Variants in SMCHD1 observed in about 807,000 individuals in gnomAD.
SMCHD1 encodes structural maintenance of chromosomes flexible hinge domain-containing protein 1.
SMCHD1 carries 78 observed loss-of-function variants against 254.7 expected under a neutral mutation model. That is an observed-to-expected ratio of 0.31 (90% CI 0.26 to 0.37). SMCHD1 has a LOEUF of 0.37. Ranked by LOEUF, SMCHD1 falls within the 10% of genes least tolerant of loss-of-function variation. The probability of loss-of-function intolerance (pLI) is 1.00; values close to 1 mark genes in which losing one functional copy is unlikely to be tolerated. For synonymous variants in SMCHD1, 766 were observed against 794.9 expected (o/e 0.96, Z 0.61); for missense variants, 1,840 against 2,408.1 (o/e 0.76, Z 4.94).
In SMCHD1 at chr18:2,724,900, G is replaced by A. The variant is rs757305853; in HGVS notation, c.2605G>A (p.Gly869Ser). ...TDIQPVLEAS[G>S]LSLHYEEITK... is the part of the protein sequence containing the mutation. The stretch of plus-strand genomic sequence containing the variant: ...TAAAAAATAATTTTTTTTCCCCAGT[G>A]GTTTATCTTTACATTATGAAGAAAT... The change falls in exon 21 of 48, where the codon GGT becomes AGT. Residue 869 changes from glycine to serine, a missense_variant and splice_region_variant. This residue lies in a region of SMCHD1 where 881 missense variants were observed against 1,009.5 expected (regional missense o/e 0.87). Transcript: ENST00000320876. The A allele has an allele frequency of 2.1e-5, 33 of 1,559,032 alleles. No individual in the cohort carries two copies. In the Admixed American group the frequency reaches 5.6e-4, roughly 27 times the overall value.
intron 44 of SMCHD1, 123 bp from the exon 45 acceptor site, chr18:2,784,327 A>G (rs769559187): frequency 1.3e-6 from 1 of 775,792 alleles, no homozygotes; most frequent in Non-Finnish European, 2.0e-6. Flanking sequence ...GCTAGTTACT[A>G]AGTTTTTGAA....
chr18:2,706,339 A>G, intron 14 of SMCHD1, 25 bp from the exon 15 acceptor site: 1 of 1,440,480 alleles, frequency 6.9e-7, no homozygotes, highest in South Asian at 1.4e-5. Flanking sequence ...TTTTCTTTGA[A>G]ATGTTGGTAA....
At chr18:2,785,141 A>G (rs1016989155) in intron 45 of SMCHD1, among the ~76,000 whole-genome samples, 1 of 152,056 alleles carries the variant, frequency 6.6e-6, no homozygotes, top group Non-Finnish European at 1.5e-5. Context: ...TAATTAGCCA[A>G]TATAATTGTC....
intron 35 of SMCHD1, among the ~76,000 whole-genome samples, chr18:2,761,122 G>A (rs1417468148): frequency 6.6e-6 from 1 of 152,214 alleles, no homozygotes; most frequent in African/African-American, 2.4e-5. Flanking sequence ...CAACATGGAT[G>A]TGGCTAGAGG....
intron 17 of SMCHD1, among the ~76,000 whole-genome samples, chr18:2,710,951 G>A (rs1314406192): frequency 6.6e-6 from 1 of 151,238 alleles, no homozygotes; most frequent in African/African-American, 2.4e-5. Flanking sequence ...TCAAAGTGAT[G>A]TATTGCGTTG....
chr18:2,796,441 G>T lies in SMCHD1; in HGVS notation c.5913G>T (p.Leu1971Phe). 1 of 1,604,130 alleles carries T rather than the reference G, an allele frequency of 6.2e-7. No homozygotes were observed. The highest frequency in any genetic ancestry group is 8.5e-7 in the Non-Finnish European group (1 of 1,175,220). ...CCATACGTAAGTGTAATGACTCATT[G>T]CGTCATTCACCAAAGGTTGAGACGA... Reference protein sequence around the residue: ...MTPIRKCNDSLRHSPKVETTD... With the variant: ...MTPIRKCNDSFRHSPKVETTD... Residue 1971 changes from leucine (L) to phenylalanine (F), a missense_variant, in exon 47 of 48, where the codon TTG (leucine) becomes TTT (phenylalanine). Around this residue, in one of 9 missense-constraint regions of SMCHD1, gnomAD observed 132 missense variants for 138.2 expected, o/e 0.95. Transcript: ENST00000320876.
chr18:2,684,755 G>A (rs1211723889), intron 5 of SMCHD1, among the ~76,000 whole-genome samples: 1 of 79,114 alleles, frequency 1.3e-5, no homozygotes, highest in East Asian at 5.5e-4. Flanking sequence ...TTTCCTTTTT[G>A]GCTTATTAAC....
Position 2,771,607 on chromosome 18 carries a change from A to G in SMCHD1, c.5041A>G (p.Thr1681Ala), listed in dbSNP as rs1169731986. The change falls in exon 40 of 48, where the codon ACA becomes GCA. Residue 1681 changes from threonine (T) to alanine (A), a missense_variant. Transcript: ENST00000320876. The part of the protein sequence containing the change: ...ELKIHNIDIP[T>A]TQQVPHIEAL... ...AAAAATACATAATATTGACATTCCT[A>G]CAACACAACAGGTACAGCTTCCAAC... 76 of 1,562,746 alleles carry G rather than the reference A, an allele frequency of 4.9e-5. No individual in the cohort carries two copies. Among genetic ancestry groups the G allele is most frequent in the African/African-American group, 1.1e-4 (8 of 71,268 alleles).
rs2073053173 is a variant in SMCHD1 at position 2,656,257 on chromosome 18, G to A, written c.182G>A (p.Cys61Tyr). ...TACGCGGGATTTCGCGCGTGTGTGTGTCAGGTACGCGAAGGGGCGAGGAAG... is the reference window on the plus strand; with the variant it reads ...TACGCGGGATTTCGCGCGTGTGTGTATCAGGTACGCGAAGGGGCGAGGAAG... Reference protein sequence around the residue: ...SDYAGFRACVCQTLGISPEEK... With the variant: ...SDYAGFRACVYQTLGISPEEK... The change falls in exon 1 of 48, where the codon TGT becomes TAT. Residue 61 changes from cysteine (C) to tyrosine (Y), a missense_variant. By Grantham distance (194) the Cys-to-Tyr change is radical. Coordinates refer to ENST00000320876, the MANE Select transcript of SMCHD1 (RefSeq NM_015295.3). 2 of 1,493,700 alleles carry A rather than the reference G, an allele frequency of 1.3e-6. No individual in the cohort carries two copies. The highest frequency in any genetic ancestry group is 5.4e-5 in the East Asian group (2 of 36,942). The allele number at this position is 1,493,700 out of a possible 1,614,324, so 92.5% of individuals were successfully genotyped here.
At chr18:2,746,380 C>T (rs2075453402) in intron 29 of SMCHD1, among the ~76,000 whole-genome samples, 1 of 152,128 alleles carries the variant, frequency 6.6e-6, no homozygotes, top group Admixed American at 6.6e-5. Context: ...GATAGGAGTC[C>T]TTTAAAAACT....
chr18:2,688,599 T>C, intron 6 of SMCHD1, 29 bp from the exon 7 acceptor site: 1 of 1,571,532 alleles, frequency 6.4e-7, no homozygotes, highest in South Asian at 1.1e-5. Flanking sequence ...ATTAGGAATT[T>C]AAAAAGTACT....
intron 1 of SMCHD1, among the ~76,000 whole-genome samples, chr18:2,661,127 A>G (rs1461336857): frequency 1.3e-5 from 2 of 152,228 alleles, no homozygotes; most frequent in African/African-American, 4.8e-5. Context: ...GAGTTGAACA[A>G]TGAGAACACA....
chr18:2,656,130 G>A lies in SMCHD1; in HGVS notation c.55G>A (p.Asp19Asn). ...PGGASVGTEEDGGGVGHRTVY... is the reference protein window; with the variant it reads ...PGGASVGTEENGGGVGHRTVY... ...TGGGGCCTCTGTGGGGACTGAGGAG[G>A]ATGGCGGAGGCGTCGGCCACAGGAC... Residue 19 changes from aspartate (D) to asparagine (N), a missense_variant, in exon 1 of 48, where the codon GAT becomes AAT. Transcript: ENST00000320876. The A allele has an allele frequency of 6.7e-7, 1 of 1,490,026 alleles. No individual in the cohort carries two copies. The highest frequency in any genetic ancestry group is 8.9e-7 in the Non-Finnish European group (1 of 1,122,044). The allele number at this position is 1,490,026 out of a possible 1,614,324, so 92.3% of individuals were successfully genotyped here. A position where few individuals can be genotyped will look rare whatever the true frequency, so the allele number is the denominator to read the frequency against.
chr18:2,656,005 G>T lies in SMCHD1; in HGVS notation c.-71G>T. ...CCCGGGAGCTGGAGCTGAAGGCGCC[G>T]CGCGGAGCGCGCACCTCAGCCCTGA... On this transcript the variant is annotated 5_prime_UTR_variant, in exon 1 of 48. Coordinates refer to ENST00000320876, the MANE Select transcript of SMCHD1 (RefSeq NM_015295.3). The T allele has an allele frequency of 3.3e-6, 4 of 1,216,814 alleles. No homozygotes were observed. The highest frequency in any genetic ancestry group is 4.1e-6 in the Non-Finnish European group (4 of 970,074). The allele number at this position is 1,216,814 out of a possible 1,614,324, so 75.4% of individuals were successfully genotyped here.
At chr18:2,678,276 T>TCC (rs2073814903) in intron 5 of SMCHD1, among the ~76,000 whole-genome samples, 3 of 124,576 alleles carry the variant, frequency 2.4e-5, no homozygotes, top group African/African-American at 6.6e-5. Flanking sequence ...TCTCTCTCCC[T>TCC]CTCTCTCTTT....
rs775725865 is a variant in SMCHD1 at position 2,740,710 on chromosome 18, A to C, written c.3522A>C (p.Ile1174=). 1 of 1,562,864 alleles carries C rather than the reference A, an allele frequency of 6.4e-7. No homozygotes were observed. The change falls in exon 28 of 48, where the codon ATA becomes ATC. Residue 1174 remains isoleucine (I), a synonymous_variant. Coordinates refer to ENST00000320876, the MANE Select transcript of SMCHD1 (RefSeq NM_015295.3). ...GQELQGEVVI[I]ITDQYGNQIQ... ...AACTTCCCCCTTTTTTAGTTATAATAATTACAGATCAGTACGGAAATCAGA... is the reference window on the plus strand; with the variant it reads ...AACTTCCCCCTTTTTTAGTTATAATCATTACAGATCAGTACGGAAATCAGA...
At chr18:2,662,535 C>T (rs1335054622) in intron 1 of SMCHD1, among the ~76,000 whole-genome samples, 1 of 151,800 alleles carries the variant, frequency 6.6e-6, no homozygotes, top group Non-Finnish European at 1.5e-5. Flanking sequence ...GTCCCAGCTG[C>T]TTGGGAGGCA....
intron 34 of SMCHD1, among the ~76,000 whole-genome samples, chr18:2,759,112 G>A (rs1189565555): frequency 3.9e-5 from 6 of 152,088 alleles, no homozygotes; most frequent in Admixed American, 3.9e-4. Context: ...TTTTCTCTTA[G>A]TTTCTGTTGG....
intron 5 of SMCHD1, among the ~76,000 whole-genome samples, chr18:2,678,209 T>TTTTCTTTC (rs149849879): frequency 2.7e-4 from 30 of 110,524 alleles, no homozygotes; most frequent in African/African-American, 7.6e-4. Flanking sequence ...CTTTTCTTTC[T>TTTTCTTTC]TTTCTTTCTT....
Sources: allele counts gnomAD v4.1 joint callset (sites outside exome capture counted in the v4.1 genomes callset), GRCh38; gene constraint gnomAD v4.1.1; regional missense constraint gnomAD v4.1.1; transcripts MANE v1.5; gene names NCBI Gene and HGNC (gene_info 2026-07-23, HGNC 2026-07-21).